DPH6: variants seen among roughly 807,000 people sequenced by gnomAD.
DPH6 encodes the protein diphthamine biosynthesis 6, also known as diphthine--ammonia ligase.
Under a neutral mutation model 38.2 loss-of-function variants are expected in DPH6, and 33 were observed. That is an observed-to-expected ratio of 0.86 (90% CI 0.65 to 1.15). The LOEUF is 1.15. Among genes scored for constraint, DPH6 ranks in the 50% most tolerant of loss-of-function variants. The pLI is 0.00. For missense variants in DPH6, 325 were observed against 320.0 expected, an observed-to-expected ratio of 1.02 and a Z score of -0.12; for synonymous variants, 108 against 103.0, an observed-to-expected ratio of 1.05 and a Z score of -0.30.
At chr15:35,400,657 A>C (rs1257935149) in intron 6 of DPH6, 5 of 602,420 alleles carry the variant, frequency 8.3e-6, no homozygotes, top group Non-Finnish European at 1.5e-5. Context: ...GCCACCGAGG[A>C]AGCATCATTA....
chr15:35,382,598 G>C (rs900095277), intron 6 of DPH6, among the ~76,000 whole-genome samples: 1 of 152,184 alleles, frequency 6.6e-6, no homozygotes, highest in African/African-American at 2.4e-5. Flanking sequence ...TTGCCTTTAA[G>C]TGGAAGGGAA....
downstream of DPH6, among the ~76,000 whole-genome samples, chr15:35,366,260 G>GTA (rs2052658459): frequency 6.6e-6 from 1 of 150,806 alleles, no homozygotes; most frequent in Non-Finnish European, 1.5e-5. Context: ...GTGTGTGTGT[G>GTA]TGTATACATA....
At chr15:35,240,467 G>A (rs1448636837) in intron 3 of DPH6, among the ~76,000 whole-genome samples, 1 of 141,990 alleles carries the variant, frequency 7.0e-6, no homozygotes, top group Non-Finnish European at 1.5e-5. Flanking sequence ...GCCAGCCCAA[G>A]CTAGGTCCCA....
In DPH6 at chr15:35,325,007, A is replaced by G. The variant is rs576712724; in HGVS notation, n.200+48514T>C. Among the ~76,000 whole-genome samples the G allele has an allele frequency of 3.9e-5, 6 of 152,280 alleles. No homozygotes were observed. In the East Asian group the frequency reaches 9.6e-4, roughly 24 times the overall value. ...GAGCTGAAGAATTTTTACATAGCCC[A>G]GTGCAAAAAATCACAATAAGATGGA... On this transcript the variant is annotated intron_variant and non_coding_transcript_variant, in intron 3 of 3. Coordinates refer to the DPH6 transcript ENST00000560386.
chr15:35,234,601 T>G (rs2051539315), intron 3 of DPH6, among the ~76,000 whole-genome samples: 2 of 152,254 alleles, frequency 1.3e-5, no homozygotes, highest in Admixed American at 6.5e-5. Context: ...ACTATGACAT[T>G]TGAATAATAT....
chr15:35,514,559 T>C (rs562806680), intron 3 of DPH6, among the ~76,000 whole-genome samples: 4 of 152,248 alleles, frequency 2.6e-5, no homozygotes, highest in African/African-American at 4.8e-5. Flanking sequence ...TCAGGATACA[T>C]TGAATTGGAA....
At chr15:35,415,955 G>A (rs2053430594) in intron 5 of DPH6, among the ~76,000 whole-genome samples, 2 of 151,922 alleles carry the variant, frequency 1.3e-5, no homozygotes, top group African/African-American at 4.8e-5. Flanking sequence ...TAAACTTCAT[G>A]TGTACCTATA....
At chr15:35,194,730 T>C in the DPH6 span, among the ~76,000 whole-genome samples, 1 of 152,062 alleles carries the variant, frequency 6.6e-6, no homozygotes, top group Non-Finnish European at 1.5e-5. Flanking sequence ...CATTGTACTA[T>C]GGGTTTCACT....
intron 3 of DPH6, among the ~76,000 whole-genome samples, chr15:35,287,764 T>C (rs1005630720): frequency 2.0e-5 from 3 of 152,188 alleles, no homozygotes; most frequent in Non-Finnish European, 4.4e-5. Flanking sequence ...TGTTCAACTG[T>C]CATAAAAGAT....
the DPH6 span, among the ~76,000 whole-genome samples, chr15:35,185,629 C>A: frequency 6.7e-6 from 1 of 150,088 alleles, no homozygotes; most frequent in African/African-American, 2.5e-5. Flanking sequence ...AAATAAATGA[C>A]AATTTTCACA....
intron 3 of DPH6, chr15:35,237,262 A>C: frequency 1.4e-6 from 2 of 1,449,310 alleles, no homozygotes; most frequent in South Asian, 1.1e-5. Flanking sequence ...AAAGTGCTAA[A>C]ACGCGCGGCC....
chr15:35,233,739 CT>C (rs1421242079), intron 3 of DPH6, among the ~76,000 whole-genome samples: 3 of 152,114 alleles, frequency 2.0e-5, no homozygotes, highest in Non-Finnish European at 2.9e-5. Flanking sequence ...CACCTCACCC[CT>C]CATCACTCTC....
the DPH6 span, among the ~76,000 whole-genome samples, chr15:35,196,949 T>C: frequency 2.6e-5 from 4 of 152,214 alleles, no homozygotes; most frequent in African/African-American, 9.7e-5. Context: ...TTTTCATGCT[T>C]TTAATTTTTT....
In DPH6 at chr15:35,400,596, C is replaced by A. The variant is rs1429526239; in HGVS notation, c.567+10239G>T. On this transcript the variant is annotated intron_variant, in intron 6 of 8. Transcript: ENST00000256538. ...CTGAAGAACCATTTGAGAATATAAA[C>A]CTTGACTAACATTTTAAAATATTAC... The A allele has an allele frequency of 1.6e-5, 7 of 428,744 alleles. No individual in the cohort carries two copies. In the Admixed American group the frequency reaches 2.1e-4, roughly 13 times the overall value. 26.6% of individuals were successfully genotyped at this position (428,744 alleles called of 1,614,324 possible).
At chr15:35,429,755 A>C (rs2053609744) in intron 5 of DPH6, among the ~76,000 whole-genome samples, 1 of 152,162 alleles carries the variant, frequency 6.6e-6, no homozygotes, top group Non-Finnish European at 1.5e-5. Context: ...AAGGGAATTA[A>C]ATTACATTTT....
the DPH6 span, among the ~76,000 whole-genome samples, chr15:35,153,393 G>A: frequency 2.0e-5 from 3 of 152,046 alleles, no homozygotes; most frequent in South Asian, 4.2e-4. Context: ...CTAAGATTCA[G>A]TATTAGGCCC....
chr15:35,151,255 T>C, the DPH6 span, among the ~76,000 whole-genome samples: 1 of 151,824 alleles, frequency 6.6e-6, no homozygotes, highest in African/African-American at 2.4e-5. Context: ...TGGTCTACAG[T>C]ATTGTTTTTA....
chr15:35,163,020 C>T, the DPH6 span, among the ~76,000 whole-genome samples: 1 of 151,794 alleles, frequency 6.6e-6, no homozygotes, highest in Non-Finnish European at 1.5e-5. Context: ...GCTACCATGG[C>T]AAAAGAGTGA....
At chr15:35,194,324 T>C in the DPH6 span, among the ~76,000 whole-genome samples, 1 of 151,714 alleles carries the variant, frequency 6.6e-6, no homozygotes, top group Non-Finnish European at 1.5e-5. Context: ...AGATAATATA[T>C]GAATACAGGG....
Sources: gnomAD v4.1 joint callset for allele counts (sites outside exome capture counted in the v4.1 genomes callset) on GRCh38, gnomAD v4.1.1 for gene constraint, MANE v1.5 for transcripts, NCBI Gene and HGNC (gene_info 2026-07-23, HGNC 2026-07-21) for gene names.